The following ERG variants were observed in gnomAD, a reference collection of about 807,000 sequenced individuals.
ERG encodes ETS transcription factor ERG.
A neutral mutation model predicts 55.3 loss-of-function variants in ERG; 9 were observed. That is an observed-to-expected ratio of 0.16 (90% CI 0.10 to 0.28). The LOEUF (loss-of-function observed/expected upper bound fraction) is 0.28, where lower values mean the gene tolerates loss of function less well. Ranked by LOEUF, ERG falls within the 10% of genes least tolerant of loss-of-function variation. ERG has a pLI of 1.00. For missense variants in ERG, 434 were observed against 631.6 expected (o/e 0.69, Z 3.35); for synonymous variants, 223 against 237.3 (o/e 0.94, Z 0.55).
intron 1 of ERG, among the ~76,000 whole-genome samples, chr21:38,604,753 A>C (rs2146917004): frequency 6.6e-6 from 1 of 152,330 alleles, no homozygotes; most frequent in African/African-American, 2.4e-5. Context: ...TAGGTCCTGA[A>C]GAATGGCCTC....
intron 2 of ERG, among the ~76,000 whole-genome samples, chr21:38,551,921 T>C (rs902326371): frequency 3.2e-4 from 48 of 152,136 alleles, no homozygotes; most frequent in Admixed American, 1.3e-4. Context: ...TGATGATCTA[T>C]CTAATACTGT....
At chr21:38,568,278 G>T (rs1190146308) in intron 2 of ERG, among the ~76,000 whole-genome samples, 4 of 151,878 alleles carry the variant, frequency 2.6e-5, no homozygotes, top group African/African-American at 9.7e-5. Flanking sequence ...AATTAACATG[G>T]TGTGCATATT....
At chr21:38,393,866 T>C (rs1201783232) in intron 6 of ERG, among the ~76,000 whole-genome samples, 2 of 152,226 alleles carry the variant, frequency 1.3e-5, no homozygotes, top group African/African-American at 4.8e-5. Flanking sequence ...TACTCCTCTC[T>C]CTCAGCTGGC....
At chr21:38,430,932 T>C (rs965478319) in intron 2 of ERG, among the ~76,000 whole-genome samples, 1 of 151,510 alleles carries the variant, frequency 6.6e-6, no homozygotes, top group Admixed American at 6.6e-5. Flanking sequence ...AGAAATAGTG[T>C]AGGAAGACAA....
At chr21:38,601,426 G>GAA (rs138045867) in intron 1 of ERG, among the ~76,000 whole-genome samples, 7 of 147,118 alleles carry the variant, frequency 4.8e-5, no homozygotes, top group African/African-American at 1.7e-4. Context: ...TGCTCACTAA[G>GAA]AAAAAAAAAA....
At chr21:38,621,963 C>A (rs755501740) in intron 1 of ERG, among the ~76,000 whole-genome samples, 1 of 152,216 alleles carries the variant, frequency 6.6e-6, no homozygotes, top group Non-Finnish European at 1.5e-5. Flanking sequence ...GAGGCTCTCT[C>A]GGATCTCCAG....
At chr21:38,585,717 A>G (rs2060060056), upstream of ERG, among the ~76,000 whole-genome samples, 1 of 151,768 alleles carries the variant, frequency 6.6e-6, no homozygotes, top group Non-Finnish European at 1.5e-5. Flanking sequence ...CATCAAATCA[A>G]TATTTGTAAT....
At chr21:38,446,573 G>A (rs2058894491) in intron 1 of ERG, among the ~76,000 whole-genome samples, 2 of 152,112 alleles carry the variant, frequency 1.3e-5, no homozygotes, top group African/African-American at 4.8e-5. Context: ...TCTTATAACA[G>A]ACAAAAAGAA....
At chr21:38,595,156 C>G (rs1339821482) in intron 1 of ERG, among the ~76,000 whole-genome samples, 1 of 152,028 alleles carries the variant, frequency 6.6e-6, no homozygotes, top group Non-Finnish European at 1.5e-5. Context: ...GAAGTCCGAA[C>G]CTTGTTGTGA....
chr21:38,657,289 T>C (rs960959473), intron 1 of ERG, among the ~76,000 whole-genome samples: 1 of 152,180 alleles, frequency 6.6e-6, no homozygotes, highest in Non-Finnish European at 1.5e-5. Flanking sequence ...CCCCTTACTT[T>C]CATTGTAAAA....
chr21:38,604,009 G>A (rs550149001), intron 1 of ERG, among the ~76,000 whole-genome samples: 1 of 152,166 alleles, frequency 6.6e-6, no homozygotes, highest in East Asian at 1.9e-4. Context: ...AGCCCTTCAG[G>A]GGGCCGAGGC....
At chr21:38,556,725 T>A (rs148110499) in intron 2 of ERG, among the ~76,000 whole-genome samples, 1 of 151,944 alleles carries the variant, frequency 6.6e-6, no homozygotes, top group East Asian at 1.9e-4. Flanking sequence ...GGACACAGAG[T>A]GGGGGGAAGG....
chr21:38,485,025 A>C (rs1194973618), intron 1 of ERG, among the ~76,000 whole-genome samples: 1 of 152,120 alleles, frequency 6.6e-6, no homozygotes, highest in Non-Finnish European at 1.5e-5. Flanking sequence ...AAAAAAAGTT[A>C]ATTGTAAAAC....
chr21:38,610,367 G>T (rs939351373), intron 1 of ERG, among the ~76,000 whole-genome samples: 1 of 152,192 alleles, frequency 6.6e-6, no homozygotes, highest in Non-Finnish European at 1.5e-5. Context: ...TGCCATGCGG[G>T]CTTCTATGCA....
chr21:38,380,162 T>C lies in ERG; in HGVS notation c.*3241A>G. Reference sequence around the variant, plus strand: ...TATTTTCTTCTCTTTCTCCAGGCAATGGGTCACTTTGGGGCGCTGCAGAAC... The same window carrying C: ...TATTTTCTTCTCTTTCTCCAGGCAACGGGTCACTTTGGGGCGCTGCAGAAC... On this transcript the variant is annotated 3_prime_UTR_variant, in exon 10 of 10. Coordinates refer to ENST00000288319, the MANE Select transcript of ERG (RefSeq NM_182918.4). 9.6e-7 allele frequency: 1 copy of C among 1,044,838 alleles called. No homozygotes were observed. The highest frequency in any genetic ancestry group is 4.4e-4 in the Middle Eastern group (1 of 2,278). 64.7% of individuals were successfully genotyped at this position (1,044,838 alleles called of 1,614,324 possible).
chr21:38,407,880 A>T (rs1259998085), intron 3 of ERG, among the ~76,000 whole-genome samples: 1 of 147,618 alleles, frequency 6.8e-6, no homozygotes, highest in African/African-American at 2.5e-5. Context: ...ATAATAAAAT[A>T]TATAATATAT....
Position 38,643,020 on chromosome 21 carries a change from C to T in ERG, c.-150+18638G>A, listed in dbSNP as rs2060434539. ...TTTATGCCTACTCTTTTCTTAGCGC[C>T]CCCTTCCCTTACTCATTGCATCAAA... is the stretch of plus-strand genomic sequence containing the variant. On this transcript the variant is annotated intron_variant, in intron 1 of 10. Coordinates refer to the ERG transcript ENST00000398910. Among the ~76,000 whole-genome samples the T allele has an allele frequency of 5.9e-5, 9 of 152,138 alleles. No individual in the cohort carries two copies. In the South Asian group the frequency reaches 1.9e-3, roughly 32 times the overall value.
chr21:38,406,154 C>CAAAAGAAAAAAAA (rs1988758928), intron 3 of ERG, among the ~76,000 whole-genome samples: 2 of 95,080 alleles, frequency 2.1e-5, no homozygotes, highest in Non-Finnish European at 4.0e-5. Flanking sequence ...GACTCCATCT[C>CAAAAGAAAAAAAA]AAAAAAAAAA....
At chr21:38,585,532 CTTTT>C (rs760791568), upstream of ERG, among the ~76,000 whole-genome samples, 7,805 of 59,142 alleles carry the variant, frequency 0.13, 468 homozygotes, top group Middle Eastern at 0.27. Flanking sequence ...TCTCTCTCTT[CTTTT>C]TTTTTTTTTT....
Sources: allele counts gnomAD v4.1 joint callset (sites outside exome capture counted in the v4.1 genomes callset), GRCh38; gene constraint gnomAD v4.1.1; transcripts MANE v1.5; gene names NCBI Gene and HGNC (gene_info 2026-07-23, HGNC 2026-07-21).